TMEM132D: variants seen among roughly 807,000 people sequenced by gnomAD.
TMEM132D encodes the protein mature OL transmembrane protein.
Under a neutral mutation model 62.3 loss-of-function variants are expected in TMEM132D, and 21 were observed. The observed-to-expected ratio is 0.34, with a 90% CI of 0.24 to 0.49. TMEM132D has a LOEUF of 0.49. Ranked by LOEUF, TMEM132D falls within the 20% of genes least tolerant of loss-of-function variation. TMEM132D has a pLI of 0.99. For synonymous variants in TMEM132D, 621 were observed against 575.6 expected (o/e 1.08, Z -1.13); for missense variants, 1,346 against 1,402.8 (o/e 0.96, Z 0.65).
At chr12:129,817,523 G>A (rs958165666) in intron 1 of TMEM132D, among the ~76,000 whole-genome samples, 2 of 152,146 alleles carry the variant, frequency 1.3e-5, no homozygotes, top group Non-Finnish European at 2.9e-5. Context: ...TCCATTTTCA[G>A]TCTGAGAACC....
chr12:129,151,138 G>A lies in TMEM132D; in HGVS notation c.1443+58382C>T, dbSNP rs142410361. On this transcript the variant is annotated intron_variant, in intron 5 of 8. Transcript: ENST00000422113. ...AGAAGCTGCAATCTCCCCAAGAGAA[G>A]ACTATCGAAGCCTTTGTCCTAATGC... Among the ~76,000 whole-genome samples the A allele has an allele frequency of 1.4e-4, 21 of 152,284 alleles. No homozygotes were observed. In the East Asian group the frequency reaches 4.1e-3, roughly 29 times the overall value.
chr12:129,488,445 G>A (rs1874656316), intron 3 of TMEM132D, among the ~76,000 whole-genome samples: 1 of 152,126 alleles, frequency 6.6e-6, no homozygotes, highest in Non-Finnish European at 1.5e-5. Flanking sequence ...GGCTGAGGCA[G>A]GTGGATCACT....
At chr12:129,626,057 T>G (rs528386348) in intron 2 of TMEM132D, among the ~76,000 whole-genome samples, 22 of 152,220 alleles carry the variant, frequency 1.4e-4, no homozygotes, top group African/African-American at 5.3e-4. Flanking sequence ...GGAAATCTTG[T>G]TCCTAATAGA....
chr12:129,309,360 A>G (rs1566028803), intron 4 of TMEM132D, among the ~76,000 whole-genome samples: 1 of 152,172 alleles, frequency 6.6e-6, no homozygotes, highest in Non-Finnish European at 1.5e-5. Flanking sequence ...TAGTTCAATA[A>G]TTACTTTATC....
chr12:129,344,343 C>G (rs185605973), intron 3 of TMEM132D, among the ~76,000 whole-genome samples: 1 of 152,116 alleles, frequency 6.6e-6, no homozygotes, highest in African/African-American at 2.4e-5. Flanking sequence ...CTACTTCTGG[C>G]AAACCCCAAA....
Position 129,536,255 on chromosome 12 carries a change from G to A in TMEM132D, c.969-5050C>T, listed in dbSNP as rs78833746. Among the ~76,000 whole-genome samples the A allele has an allele frequency of 5.9e-3, 900 of 152,296 alleles. 37 individuals carry two copies. The South Asian group carries it at 0.092, about 16-fold the overall frequency. The stretch of plus-strand genomic sequence containing the variant: ...ATACACAGTGTGCACCCACCAAAGG[G>A]TGCCACACTCCTACGCATGTAGATT... On this transcript the variant is annotated intron_variant, in intron 2 of 8. Transcript: ENST00000422113.
chr12:129,414,322 G>A (rs542971364), intron 3 of TMEM132D, among the ~76,000 whole-genome samples: 6 of 152,148 alleles, frequency 3.9e-5, no homozygotes, highest in Admixed American at 2.0e-4. Flanking sequence ...ATAACTATAC[G>A]GTGGACAAAA....
chr12:129,742,076 C>T (rs1457539732), intron 1 of TMEM132D, among the ~76,000 whole-genome samples: 2 of 152,172 alleles, frequency 1.3e-5, no homozygotes, highest in Non-Finnish European at 2.9e-5. Flanking sequence ...GTGTGCTCTC[C>T]TCACAAAGGT....
intron 5 of TMEM132D, among the ~76,000 whole-genome samples, chr12:129,123,492 C>T (rs956925424): frequency 8.9e-4 from 135 of 152,302 alleles, no homozygotes; most frequent in African/African-American, 3.1e-3. Flanking sequence ...CTACTCTCCT[C>T]CTCTCTGTTC....
At chr12:129,885,589 A>G (rs972699276) in intron 1 of TMEM132D, among the ~76,000 whole-genome samples, 3 of 152,240 alleles carry the variant, frequency 2.0e-5, no homozygotes, top group Non-Finnish European at 4.4e-5. Flanking sequence ...CCACTCGTGT[A>G]AAAACAATGG....
At chr12:129,408,593 G>T (rs542922522) in intron 3 of TMEM132D, among the ~76,000 whole-genome samples, 4 of 151,216 alleles carry the variant, frequency 2.6e-5, no homozygotes, top group South Asian at 2.1e-4. Context: ...TTTACACAAG[G>T]CAATTTTTAT....
chr12:129,689,462 T>C (rs1215539272), intron 2 of TMEM132D, among the ~76,000 whole-genome samples: 2 of 152,192 alleles, frequency 1.3e-5, no homozygotes, highest in African/African-American at 2.4e-5. Context: ...AACACAAGCA[T>C]GTCATGTCCC....
In TMEM132D at chr12:129,724,822, CT is replaced by C. The variant is rs374098903; in HGVS notation, c.80-24125del. 2.9e-3 allele frequency among the ~76,000 whole-genome samples: 447 copies of C among 152,302 alleles called. 4 individuals carry two copies. Among genetic ancestry groups the C allele is most frequent in the Middle Eastern group, 0.017 (5 of 294 alleles). Reference sequence around the variant, plus strand: ...ACAGGCATGAGCCACCGTGCCTGGCCTTGTGCTGTTTTAAGCTACTAAGTTT... The same window carrying C: ...ACAGGCATGAGCCACCGTGCCTGGCCTGTGCTGTTTTAAGCTACTAAGTTT... On this transcript the variant is annotated intron_variant, in intron 1 of 8. Coordinates refer to ENST00000422113, the MANE Select transcript of TMEM132D (RefSeq NM_133448.3).
chr12:129,799,162 G>C (rs1200575079), intron 1 of TMEM132D, among the ~76,000 whole-genome samples: 1 of 152,100 alleles, frequency 6.6e-6, no homozygotes, highest in Non-Finnish European at 1.5e-5. Flanking sequence ...CTACTCAGGA[G>C]GCTGAGGCAG....
At chr12:129,704,562 A>G (rs1043676035) in intron 1 of TMEM132D, among the ~76,000 whole-genome samples, 4 of 152,218 alleles carry the variant, frequency 2.6e-5, no homozygotes, top group African/African-American at 9.6e-5. Flanking sequence ...AATCACTTAC[A>G]GGAAACCAGT....
At position 129,826,337 on chromosome 12, in the gene TMEM132D, A is replaced by G. The variant is rs79359335; in HGVS notation, c.79+76924T>C. On this transcript the variant is annotated intron_variant, in intron 1 of 8. Coordinates refer to ENST00000422113, the MANE Select transcript of TMEM132D (RefSeq NM_133448.3). ...ACATCTTCTTTGGGTTAAACCGCCTAGAGGTGTCGTAGGGTTTTGTTTGAT... is the reference window on the plus strand; with the variant it reads ...ACATCTTCTTTGGGTTAAACCGCCTGGAGGTGTCGTAGGGTTTTGTTTGAT... Among the ~76,000 whole-genome samples the G allele has an allele frequency of 3.4e-3, 517 of 152,268 alleles. 3 individuals are homozygous for G. Among genetic ancestry groups the G allele is most frequent in the African/African-American group, 0.012 (496 of 41,570 alleles).
At chr12:129,838,316 T>A (rs963494001) in intron 1 of TMEM132D, among the ~76,000 whole-genome samples, 4 of 152,176 alleles carry the variant, frequency 2.6e-5, no homozygotes, top group African/African-American at 9.7e-5. Context: ...CCAACTCTCT[T>A]CCGAAAAATC....
intron 1 of TMEM132D, among the ~76,000 whole-genome samples, chr12:129,866,307 G>A (rs1874058810): frequency 6.6e-6 from 1 of 152,074 alleles, no homozygotes; most frequent in Non-Finnish European, 1.5e-5. Flanking sequence ...CATGGATGAA[G>A]CAGGAAACCA....
chr12:129,719,189 G>GT (rs1458949004), intron 1 of TMEM132D, among the ~76,000 whole-genome samples: 3 of 152,058 alleles, frequency 2.0e-5, no homozygotes, highest in Non-Finnish European at 2.9e-5. Context: ...AGCCCAGGAG[G>GT]TGGAGGCTGC....
Sources: allele counts gnomAD v4.1 joint callset (sites outside exome capture counted in the v4.1 genomes callset), GRCh38; gene constraint gnomAD v4.1.1; transcripts MANE v1.5; gene names NCBI Gene and HGNC (gene_info 2026-07-23, HGNC 2026-07-21).